GPC3: variants seen among roughly 807,000 people sequenced by gnomAD.
GPC3 encodes the protein glypican-3.
In GPC3, 3 loss-of-function variants were observed where a neutral mutation model predicts 34.4. The ratio of observed to expected loss-of-function variants is 0.09; its 90% CI spans 0.04 to 0.23. The LOEUF (loss-of-function observed/expected upper bound fraction) is 0.23, where lower values mean the gene tolerates loss of function less well. Among genes scored for constraint, GPC3 ranks in the 10% least tolerant of loss-of-function variants. GPC3 has a pLI of 1.00. For synonymous variants in GPC3, 177 were observed against 174.0 expected (o/e 1.02, Z -0.13); for missense variants, 351 against 445.6 (o/e 0.79, Z 1.91).
At chrX:133,543,555 A>G (rs1272830180) in intron 7 of GPC3, among the ~76,000 whole-genome samples, 2 of 112,812 alleles carry the variant, frequency 1.8e-5, no homozygotes, top group Non-Finnish European at 3.7e-5. Flanking sequence ...CTTATGGCTC[A>G]TTCCAGCTTG....
chrX:133,688,764 A>G (rs1226215163), intron 5 of GPC3, among the ~76,000 whole-genome samples: 2 of 111,631 alleles, frequency 1.8e-5, no homozygotes, highest in Non-Finnish European at 3.8e-5. Flanking sequence ...AGGAAGTGGT[A>G]ACTGTTACTT....
rs191113438 is a variant in GPC3, at chrX:133,666,752, C to T, written c.1293-4902G>A. The stretch of plus-strand genomic sequence containing the variant: ...GTATGTGTTGATATGGAATCAAGTA[C>T]GAGATACATTATAACAGATACAAAT... On this transcript the variant is annotated intron_variant, in intron 5 of 7. Coordinates refer to ENST00000370818, the MANE Select transcript of GPC3 (RefSeq NM_004484.4). 3.1e-3 allele frequency among the ~76,000 whole-genome samples: 344 copies of T among 111,750 alleles called. 1 individual carries two copies. Among genetic ancestry groups the T allele is most frequent in the African/African-American group, 0.011 (325 of 30,830 alleles).
intron 2 of GPC3, among the ~76,000 whole-genome samples, chrX:133,881,734 A>G (rs1312413673): frequency 8.9e-6 from 1 of 112,294 alleles, no homozygotes; most frequent in Admixed American, 9.4e-5. Flanking sequence ...AATATGCTGT[A>G]AACTCTAAAG....
intron 6 of GPC3, among the ~76,000 whole-genome samples, chrX:133,623,386 C>T (rs768453846): frequency 4.4e-4 from 49 of 111,734 alleles, no homozygotes; most frequent in Middle Eastern, 4.6e-3. Flanking sequence ...AGAGTCAAGA[C>T]CCATCAGTGT....
chrX:133,697,181 T>G (rs1178614950), intron 4 of GPC3, among the ~76,000 whole-genome samples: 1 of 112,713 alleles, frequency 8.9e-6, no homozygotes, highest in Admixed American at 9.4e-5. Flanking sequence ...GACCTGGAAC[T>G]TTTTCCTTTA....
intron 1 of GPC3, among the ~76,000 whole-genome samples, chrX:133,967,313 T>A (rs1295557995): frequency 1.8e-5 from 2 of 112,296 alleles, no homozygotes; most frequent in Non-Finnish European, 3.8e-5. Context: ...TCCAAACAGG[T>A]GATTTGGAGA....
At chrX:133,563,819 C>T (rs1339810392) in intron 7 of GPC3, among the ~76,000 whole-genome samples, 1 of 112,032 alleles carries the variant, frequency 8.9e-6, no homozygotes, top group Non-Finnish European at 1.9e-5. Context: ...TTTATTTAAC[C>T]AAGCTAAGCC....
intron 3 of GPC3, among the ~76,000 whole-genome samples, chrX:133,711,588 A>G (rs1272536565): frequency 9.0e-6 from 1 of 111,049 alleles, no homozygotes; most frequent in Non-Finnish European, 1.9e-5. Context: ...ACCTCCTCCA[A>G]TCCATTCCTT....
intron 6 of GPC3, among the ~76,000 whole-genome samples, chrX:133,657,154 C>T (rs1245503158): frequency 2.7e-5 from 3 of 112,012 alleles, no homozygotes; most frequent in African/African-American, 9.7e-5. Flanking sequence ...TCTGGTATTT[C>T]GTTTGAACCT....
At chrX:133,933,862 TTTTTTG>T (rs932668924) in intron 2 of GPC3, among the ~76,000 whole-genome samples, 1 of 107,525 alleles carries the variant, frequency 9.3e-6, no homozygotes, top group Non-Finnish European at 1.9e-5. Flanking sequence ...TTTTCTTTTT[TTTTTTG>T]TTTTTTTTTT....
At chrX:133,540,730 T>C (rs1479432218) in intron 7 of GPC3, among the ~76,000 whole-genome samples, 1 of 110,284 alleles carries the variant, frequency 9.1e-6, no homozygotes, top group East Asian at 2.9e-4. Context: ...AAATTAAGAA[T>C]AATTGGGACA....
intron 6 of GPC3, among the ~76,000 whole-genome samples, chrX:133,646,615 C>A (rs1315446934): frequency 1.8e-5 from 2 of 112,297 alleles, no homozygotes; most frequent in Non-Finnish European, 3.8e-5. Context: ...TGGCTCAGCT[C>A]TTCAGGCCTC....
chrX:133,611,702 T>C (rs1172397406), intron 6 of GPC3, among the ~76,000 whole-genome samples: 1 of 112,101 alleles, frequency 8.9e-6, no homozygotes, highest in Non-Finnish European at 1.9e-5. Flanking sequence ...TTCAACTAAA[T>C]CAAAACTTCA....
rs189746096 is a variant in GPC3, at chrX:133,858,352, T to C, written c.337+94698A>G. Reference sequence around the variant, plus strand: ...AGCTAGAAAAGAGATGGAGGGATTGTCAAAGGTACTTTCTGTGGCTGGAGT... The same window carrying C: ...AGCTAGAAAAGAGATGGAGGGATTGCCAAAGGTACTTTCTGTGGCTGGAGT... On this transcript the variant is annotated intron_variant, in intron 2 of 7. Transcript: ENST00000370818. Among the ~76,000 whole-genome samples the C allele has an allele frequency of 2.1e-4, 24 of 112,193 alleles. No individual in the cohort carries two copies. In the East Asian group the frequency reaches 3.7e-3, roughly 17 times the overall value.
At chrX:133,657,223 T>C (rs2070672096) in intron 6 of GPC3, among the ~76,000 whole-genome samples, 1 of 112,005 alleles carries the variant, frequency 8.9e-6, no homozygotes, top group Admixed American at 9.5e-5. Flanking sequence ...ATAAGTCCTG[T>C]AGCAGTTTAG....
rs745560632 is a variant in GPC3 at position 133,659,387 on chromosome X, T to C, written c.1413+2343A>G. Reference sequence around the variant, plus strand: ...AGCTTTCCCATTTTCTAGGGTGGGGTCCGCCCACAGGTCTTCACTCGATCT... The same window carrying C: ...AGCTTTCCCATTTTCTAGGGTGGGGCCCGCCCACAGGTCTTCACTCGATCT... On this transcript the variant is annotated intron_variant, in intron 6 of 7. Coordinates refer to ENST00000370818, the MANE Select transcript of GPC3 (RefSeq NM_004484.4). Among the ~76,000 whole-genome samples, 5 of 111,610 alleles carry C rather than the reference T, an allele frequency of 4.5e-5. No individual in the cohort carries two copies. The East Asian group carries it at 1.4e-3, about 32-fold the overall frequency.
intron 2 of GPC3, among the ~76,000 whole-genome samples, chrX:133,895,454 C>T (rs1187363617): frequency 2.7e-5 from 3 of 111,506 alleles, no homozygotes; most frequent in African/African-American, 9.8e-5. Context: ...GTTCCATCAA[C>T]GTTTCCTCAT....
chrX:133,877,790 T>C (rs761791809), intron 2 of GPC3, among the ~76,000 whole-genome samples: 13 of 112,009 alleles, frequency 1.2e-4, no homozygotes, highest in African/African-American at 3.6e-4. Context: ...TCACAATAAA[T>C]AGTGTTGACA....
At chrX:133,580,019 G>A (rs949968339) in intron 7 of GPC3, among the ~76,000 whole-genome samples, 1 of 112,707 alleles carries the variant, frequency 8.9e-6, no homozygotes, top group Non-Finnish European at 1.9e-5. Flanking sequence ...GAACAGAATA[G>A]CAAGTTTGGC....
Sources: gnomAD v4.1 joint callset for allele counts (sites outside exome capture counted in the v4.1 genomes callset) on GRCh38, gnomAD v4.1.1 for gene constraint, MANE v1.5 for transcripts, NCBI Gene and HGNC (gene_info 2026-07-23, HGNC 2026-07-21) for gene names.